Variants in PCSK2 observed in about 807,000 individuals in gnomAD.
PCSK2 encodes the protein proprotein convertase subtilisin/kexin type 2, also known as neuroendocrine convertase 2.
A neutral mutation model predicts 69.7 loss-of-function variants in PCSK2; 14 were observed. That is an observed-to-expected ratio of 0.20 (90% CI 0.13 to 0.31). The LOEUF (loss-of-function observed/expected upper bound fraction) is 0.31, where lower values mean the gene tolerates loss of function less well. Ranked by LOEUF, PCSK2 falls within the 10% of genes least tolerant of loss-of-function variation. The probability of loss-of-function intolerance (pLI) is 1.00; values close to 1 mark genes in which losing one functional copy is unlikely to be tolerated. For synonymous variants in PCSK2, 307 were observed against 320.7 expected (o/e 0.96, Z 0.46); for missense variants, 544 against 842.5 (o/e 0.65, Z 4.39).
intron 2 of PCSK2, among the ~76,000 whole-genome samples, chr20:17,292,391 A>G (rs966412064): frequency 6.6e-6 from 1 of 152,200 alleles, no homozygotes; most frequent in African/African-American, 2.4e-5. Context: ...ATAAAATTAC[A>G]AAAGTATTAG....
At chr20:17,355,429 G>A (rs559196867) in intron 2 of PCSK2, among the ~76,000 whole-genome samples, 3 of 152,288 alleles carry the variant, frequency 2.0e-5, no homozygotes, top group South Asian at 4.1e-4. Flanking sequence ...CGATTAGTGA[G>A]TAGAGCAGAT....
intron 2 of PCSK2, among the ~76,000 whole-genome samples, chr20:17,340,502 C>G (rs1990478717): frequency 6.6e-6 from 1 of 152,154 alleles, no homozygotes; most frequent in African/African-American, 2.4e-5. Flanking sequence ...CTCTTCTTGT[C>G]TCTATGATTC....
chr20:17,299,718 A>G (rs996152272), intron 2 of PCSK2, among the ~76,000 whole-genome samples: 2 of 151,796 alleles, frequency 1.3e-5, no homozygotes, highest in African/African-American at 4.8e-5. Context: ...TCCTTCGCTA[A>G]TCCAATTTTT....
chr20:17,406,978 C>T (rs541867808), intron 5 of PCSK2, among the ~76,000 whole-genome samples: 2 of 152,254 alleles, frequency 1.3e-5, no homozygotes, highest in South Asian at 2.1e-4. Context: ...CCATTGGCCT[C>T]GGTGGTCAGT....
intron 1 of PCSK2, among the ~76,000 whole-genome samples, chr20:17,244,665 C>T (rs1368622415): frequency 6.6e-6 from 1 of 152,150 alleles, no homozygotes; most frequent in East Asian, 1.9e-4. Context: ...ATGTCTCCTT[C>T]CTACCCAAAC....
At chr20:17,371,735 T>G (rs4814613) in intron 5 of PCSK2, among the ~76,000 whole-genome samples, 2 of 151,882 alleles carry the variant, frequency 1.3e-5, no homozygotes, top group African/African-American at 4.8e-5. Flanking sequence ...CATTTTTATG[T>G]TATTAAATAT....
chr20:17,300,799 A>G (rs1989055813), intron 2 of PCSK2, among the ~76,000 whole-genome samples: 1 of 152,254 alleles, frequency 6.6e-6, no homozygotes, highest in South Asian at 2.1e-4. Flanking sequence ...GACTTTACCA[A>G]AATTACCCTC....
intron 1 of PCSK2, among the ~76,000 whole-genome samples, chr20:17,247,849 C>G (rs180684748): frequency 6.6e-6 from 1 of 152,254 alleles, no homozygotes; most frequent in East Asian, 1.9e-4. Context: ...TTGCCAGTTC[C>G]CTGGAGTTCC....
chr20:17,430,396 C>A (rs2032340387), intron 7 of PCSK2, among the ~76,000 whole-genome samples: 1 of 152,104 alleles, frequency 6.6e-6, no homozygotes, highest in African/African-American at 2.4e-5. Context: ...TTTTTGTTTA[C>A]AACTGTCCTG....
intron 2 of PCSK2, among the ~76,000 whole-genome samples, chr20:17,311,690 A>G (rs1989516309): frequency 6.6e-6 from 1 of 152,178 alleles, no homozygotes; most frequent in African/African-American, 2.4e-5. Flanking sequence ...TTGTGATCCT[A>G]GTACAGTACA....
At chr20:17,425,512 T>G (rs1230802756) in intron 6 of PCSK2, among the ~76,000 whole-genome samples, 1 of 152,230 alleles carries the variant, frequency 6.6e-6, no homozygotes, top group Non-Finnish European at 1.5e-5. Context: ...ATTATTAGAA[T>G]TTATCCTTCC....
intron 1 of PCSK2, among the ~76,000 whole-genome samples, chr20:17,228,773 G>T (rs1301391805): frequency 6.6e-6 from 1 of 152,202 alleles, no homozygotes. Flanking sequence ...CCTCCTAAGG[G>T]CGTAGGCAGT....
At chr20:17,388,387 A>G (rs891532880) in intron 5 of PCSK2, among the ~76,000 whole-genome samples, 5 of 152,064 alleles carry the variant, frequency 3.3e-5, no homozygotes, top group Non-Finnish European at 7.4e-5. Context: ...TTTCTAGGAG[A>G]AAGATTATTT....
intron 8 of PCSK2, among the ~76,000 whole-genome samples, chr20:17,448,592 G>A (rs549168843): frequency 5.3e-5 from 8 of 152,124 alleles, no homozygotes; most frequent in Non-Finnish European, 7.4e-5. Flanking sequence ...CTGTTTTGTC[G>A]GTGGTGAGGA....
chr20:17,307,144 T>C (rs1019833900), intron 2 of PCSK2, among the ~76,000 whole-genome samples: 18 of 152,200 alleles, frequency 1.2e-4, no homozygotes, highest in Non-Finnish European at 2.4e-4. Context: ...TCTTCTTAAT[T>C]TGACAAATTT....
At chr20:17,411,289 G>T (rs1009680545) in intron 6 of PCSK2, among the ~76,000 whole-genome samples, 3 of 152,212 alleles carry the variant, frequency 2.0e-5, no homozygotes, top group African/African-American at 7.2e-5. Flanking sequence ...AGGAAGCCGT[G>T]ACAGACTGTA....
At chr20:17,311,741 G>A (rs1334195981) in intron 2 of PCSK2, among the ~76,000 whole-genome samples, 2 of 152,156 alleles carry the variant, frequency 1.3e-5, no homozygotes, top group Non-Finnish European at 2.9e-5. Context: ...CCTACAAGGA[G>A]CCTATACTGG....
At chr20:17,234,014 G>A (rs1039333863) in intron 1 of PCSK2, among the ~76,000 whole-genome samples, 4 of 152,188 alleles carry the variant, frequency 2.6e-5, no homozygotes, top group Non-Finnish European at 2.9e-5. Flanking sequence ...TCCCTGGTCC[G>A]TGAATTAGAA....
intron 1 of PCSK2, 64 bp downstream of exon 1, chr20:17,227,546 C>T: frequency 7.7e-7 from 1 of 1,306,624 alleles, no homozygotes; most frequent in South Asian, 1.3e-5. Context: ...CAGCCCTGCG[C>T]AATCTCATTG....
Sources: gnomAD v4.1 joint callset for allele counts (sites outside exome capture counted in the v4.1 genomes callset) on GRCh38, gnomAD v4.1.1 for gene constraint, MANE v1.5 for transcripts, NCBI Gene and HGNC (gene_info 2026-07-23, HGNC 2026-07-21) for gene names.